Variants in KCNQ5 observed in about 807,000 individuals in gnomAD.
KCNQ5 encodes the protein potassium voltage-gated channel subfamily Q member 5.
In KCNQ5, 30 loss-of-function variants were observed where a neutral mutation model predicts 98.2. That is an observed-to-expected ratio of 0.31 (90% confidence interval 0.23 to 0.41). The LOEUF (loss-of-function observed/expected upper bound fraction) is 0.41. Ranked by LOEUF, KCNQ5 falls within the 10% of genes least tolerant of loss-of-function variation. The pLI is 1.00. For synonymous variants in KCNQ5, 458 were observed against 449.4 expected, an observed-to-expected ratio of 1.02 and a Z score of -0.24; for missense variants, 835 against 1,182.5, an observed-to-expected ratio of 0.71 and a Z score of 4.31.
chr6:72,989,662 T>C (rs1472262120), intron 1 of KCNQ5, among the ~76,000 whole-genome samples: 1 of 212 alleles, frequency 4.7e-3, no homozygotes, highest in Non-Finnish European at 9.4e-3. Context: ...TTAGTTTAAT[T>C]AGATCCCATT....
In KCNQ5 at chr6:73,041,699, C is replaced by T. The variant is rs191654300; in HGVS notation, c.490-237C>T. On this transcript the variant is annotated intron_variant, in intron 2 of 13. Transcript: ENST00000370398. The stretch of plus-strand genomic sequence containing the variant: ...GTATTGAAACTGACTCCCAAATTTA[C>T]GAAGCATTAATGACTTGAAAAGGAA... 1.1e-3 allele frequency among the ~76,000 whole-genome samples: 164 copies of T among 152,174 alleles called. 1 individual carries two copies. The South Asian group carries it at 0.03, about 28-fold the overall frequency.
At chr6:73,007,725 T>C (rs1302773980) in intron 2 of KCNQ5, among the ~76,000 whole-genome samples, 1 of 152,154 alleles carries the variant, frequency 6.6e-6, no homozygotes, top group Non-Finnish European at 1.5e-5. Flanking sequence ...AACTCTGTCC[T>C]CCAAATATCA....
chr6:72,738,351 A>C (rs184683666), intron 1 of KCNQ5, among the ~76,000 whole-genome samples: 1 of 152,264 alleles, frequency 6.6e-6, no homozygotes, highest in East Asian at 1.9e-4. Context: ...CAGAGACTTC[A>C]TTATAGAATC....
intron 3 of KCNQ5, among the ~76,000 whole-genome samples, chr6:73,052,678 C>A (rs529397400): frequency 6.6e-6 from 1 of 152,108 alleles, no homozygotes; most frequent in East Asian, 1.9e-4. Flanking sequence ...TCTTTTCAGG[C>A]GAGCAAATGC....
intron 3 of KCNQ5, among the ~76,000 whole-genome samples, chr6:73,059,098 A>G (rs1233369024): frequency 6.6e-6 from 1 of 152,214 alleles, no homozygotes; most frequent in Non-Finnish European, 1.5e-5. Flanking sequence ...ATTCTACCTT[A>G]AAGACATATG....
chr6:72,982,402 T>C (rs1480658221), intron 1 of KCNQ5, among the ~76,000 whole-genome samples: 2 of 152,098 alleles, frequency 1.3e-5, no homozygotes, highest in Non-Finnish European at 2.9e-5. Flanking sequence ...CCTTTACCAT[T>C]ATGTAATGGC....
At chr6:73,166,183 A>G (rs545223460) in intron 10 of KCNQ5, among the ~76,000 whole-genome samples, 173 of 152,212 alleles carry the variant, frequency 1.1e-3, no homozygotes, top group African/African-American at 3.8e-3. Context: ...CTGTAATCCC[A>G]GCACTTTGGG....
chr6:72,821,465 T>C (rs1037859632), intron 1 of KCNQ5, among the ~76,000 whole-genome samples: 2 of 152,156 alleles, frequency 1.3e-5, no homozygotes, highest in Non-Finnish European at 2.9e-5. Flanking sequence ...TAGTCTTTCA[T>C]TGAATTTCAC....
chr6:72,939,455 C>G lies in KCNQ5; in HGVS notation c.399-64453C>G, dbSNP rs1285031098. Reference sequence around the variant, plus strand: ...TTGGATTTCCAACTCTGTCAAGCATCCTTTATTTCCAGAAGTTGTCCTAGT... The same window carrying G: ...TTGGATTTCCAACTCTGTCAAGCATGCTTTATTTCCAGAAGTTGTCCTAGT... On this transcript the variant is annotated intron_variant, in intron 1 of 13. Coordinates refer to ENST00000370398, the MANE Select transcript of KCNQ5 (RefSeq NM_019842.4). Among the ~76,000 whole-genome samples, 3 of 152,210 alleles carry G rather than the reference C, an allele frequency of 2.0e-5. No individual in the cohort carries two copies. The East Asian group carries it at 5.8e-4, about 29-fold the overall frequency.
chr6:72,850,255 T>G (rs1777195931), intron 1 of KCNQ5, among the ~76,000 whole-genome samples: 2 of 152,172 alleles, frequency 1.3e-5, no homozygotes, highest in African/African-American at 4.8e-5. Context: ...AAATGAAATA[T>G]GAGTCAAAGT....
chr6:72,876,451 A>T (rs1232944305), intron 1 of KCNQ5, among the ~76,000 whole-genome samples: 1 of 152,202 alleles, frequency 6.6e-6, no homozygotes, highest in Non-Finnish European at 1.5e-5. Flanking sequence ...CTTCCTAAGC[A>T]CTCAAACACT....
intron 1 of KCNQ5, among the ~76,000 whole-genome samples, chr6:72,752,679 T>G (rs1258074112): frequency 6.6e-6 from 1 of 152,144 alleles, no homozygotes; most frequent in Admixed American, 6.6e-5. Flanking sequence ...TTCCAAAGTG[T>G]GTACAGTTTA....
intron 1 of KCNQ5, among the ~76,000 whole-genome samples, chr6:72,765,572 A>G (rs1772526644): frequency 6.6e-6 from 1 of 152,086 alleles, no homozygotes; most frequent in African/African-American, 2.4e-5. Context: ...AAAAGGTCCT[A>G]AGACAGAAAT....
chr6:72,698,636 T>TTTTC (rs1554689811), intron 1 of KCNQ5, among the ~76,000 whole-genome samples: 6 of 121,146 alleles, frequency 5.0e-5, no homozygotes, highest in African/African-American at 2.2e-4. Context: ...TCTGTGTTTT[T>TTTTC]TTCTTCTTCT....
At chr6:73,086,012 TA>T (rs1164228381) in intron 5 of KCNQ5, among the ~76,000 whole-genome samples, 1 of 152,178 alleles carries the variant, frequency 6.6e-6, no homozygotes, top group Non-Finnish European at 1.5e-5. Context: ...CCCACATATA[TA>T]AAGATTAAGA....
intron 10 of KCNQ5, chr6:73,157,583 G>C (rs1339390467): frequency 2.6e-6 from 2 of 766,728 alleles, no homozygotes; most frequent in Non-Finnish European, 4.9e-6. Flanking sequence ...AGCGCACCTG[G>C]CATGGAGGGC....
At chr6:73,015,948 T>C (rs1168627135) in intron 2 of KCNQ5, among the ~76,000 whole-genome samples, 1 of 152,122 alleles carries the variant, frequency 6.6e-6, no homozygotes, top group Non-Finnish European at 1.5e-5. Flanking sequence ...TCTCCATTAT[T>C]CATTTATTCA....
At chr6:72,753,879 G>A (rs1771820180) in intron 1 of KCNQ5, among the ~76,000 whole-genome samples, 1 of 152,006 alleles carries the variant, frequency 6.6e-6, no homozygotes. Flanking sequence ...CTAAGTCTAT[G>A]ACTTGCCTTT....
At position 72,867,949 on chromosome 6, in the gene KCNQ5, A is replaced by AC. The variant is rs1778054813; in HGVS notation, c.399-135959_399-135958insC. Among the ~76,000 whole-genome samples the AC allele has an allele frequency of 5.4e-5, 8 of 147,368 alleles. No homozygotes were observed. In the South Asian group the frequency reaches 1.1e-3, roughly 20 times the overall value. ...TCTAAAAATAATACTAATAATACTA[A>AC]TACTACTACTACTACTACTACTAAT... On this transcript the variant is annotated intron_variant, in intron 1 of 13. Coordinates refer to ENST00000370398, the MANE Select transcript of KCNQ5 (RefSeq NM_019842.4).
Sources: allele counts gnomAD v4.1 joint callset (sites outside exome capture counted in the v4.1 genomes callset), GRCh38; gene constraint gnomAD v4.1.1; transcripts MANE v1.5; gene names NCBI Gene and HGNC (gene_info 2026-07-23, HGNC 2026-07-21).